VIRMA: variants seen among roughly 807,000 people sequenced by gnomAD.
The protein encoded by VIRMA is vir like m6A methyltransferase associated.
Under a neutral mutation model 182.4 loss-of-function variants are expected in VIRMA, and 65 were observed. The ratio of observed to expected loss-of-function variants is 0.36; its 90% CI spans 0.29 to 0.44. The LOEUF (loss-of-function observed/expected upper bound fraction) is 0.44, where lower values mean the gene tolerates loss of function less well. Among genes scored for constraint, VIRMA ranks in the 20% least tolerant of loss-of-function variants. The pLI is 1.00. For synonymous variants in VIRMA, 709 were observed against 743.1 expected (o/e 0.95, Z 0.75); for missense variants, 1,752 against 2,158.1 (o/e 0.81, Z 3.73).
intron 16 of VIRMA, among the ~76,000 whole-genome samples, chr8:94,503,044 A>C (rs941731614): frequency 1.3e-5 from 2 of 152,134 alleles, no homozygotes; most frequent in African/African-American, 4.8e-5. Flanking sequence ...CCAATGCAGG[A>C]GAAGCAACAA....
Position 94,539,068 on chromosome 8 carries a change from A to AT in VIRMA, c.180-723dup, listed in dbSNP as rs759879190. Reference sequence around the variant, plus strand: ...AGGTGTATGCCACTACACTGGGCTAATTTTTTTTTTTTTTTTTAAGTAGAG... The same window carrying AT: ...AGGTGTATGCCACTACACTGGGCTAATTTTTTTTTTTTTTTTTTAAGTAGAG... On this transcript the variant is annotated intron_variant, in intron 2 of 23. Coordinates refer to ENST00000297591, the MANE Select transcript of VIRMA (RefSeq NM_015496.5). 6.3e-3 allele frequency among the ~76,000 whole-genome samples: 866 copies of AT among 137,096 alleles called. 1 individual carries two copies. Among genetic ancestry groups the AT allele is most frequent in the Middle Eastern group, 8.0e-3 (2 of 250 alleles). The allele number at this position is 137,096 out of a possible 152,430, so 89.9% of individuals were successfully genotyped here.
chr8:94,540,837 C>T (rs1450089476), intron 2 of VIRMA, among the ~76,000 whole-genome samples: 1 of 152,146 alleles, frequency 6.6e-6, no homozygotes, highest in Non-Finnish European at 1.5e-5. Context: ...AATACAAACT[C>T]TTTCTTTACT....
chr8:94,509,024 G>GA (rs1169200381), intron 15 of VIRMA, among the ~76,000 whole-genome samples: 6 of 152,304 alleles, frequency 3.9e-5, no homozygotes, highest in South Asian at 2.1e-4. Context: ...AAAGTAGTCT[G>GA]AAACACACTA....
At chr8:94,517,609 C>T (rs909563030) in intron 10 of VIRMA, among the ~76,000 whole-genome samples, 179 bp downstream of exon 10, 1 of 152,148 alleles carries the variant, frequency 6.6e-6, no homozygotes, top group Non-Finnish European at 1.5e-5. Flanking sequence ...TGTTTATATA[C>T]TAAAACATTT....
intron 1 of VIRMA, 31 bp downstream of exon 1, chr8:94,553,354 G>A (rs1457334259): frequency 1.4e-5 from 23 of 1,605,898 alleles, no homozygotes; most frequent in African/African-American, 4.0e-5. Context: ...AAGTCAAGAA[G>A]CAGCGTCAGA....
At chr8:94,547,982 C>G (rs1221837661) in intron 1 of VIRMA, among the ~76,000 whole-genome samples, 1 of 139,690 alleles carries the variant, frequency 7.2e-6, no homozygotes, top group Non-Finnish European at 1.6e-5. Flanking sequence ...TTGTAGTAAG[C>G]CATAAGCACA....
intron 9 of VIRMA, among the ~76,000 whole-genome samples, chr8:94,518,436 C>T (rs541555442): frequency 2.6e-5 from 4 of 152,306 alleles, no homozygotes; most frequent in South Asian, 2.1e-4. Flanking sequence ...GAGTTATACA[C>T]CCAGTCCTCA....
chr8:94,530,179 A>G (rs76657708), intron 6 of VIRMA, among the ~76,000 whole-genome samples: 2 of 152,178 alleles, frequency 1.3e-5, no homozygotes, highest in Non-Finnish European at 2.9e-5. Context: ...ATGAATTAAC[A>G]AATTTTTTTT....
At chr8:94,508,329 C>G (rs1183776727) in intron 15 of VIRMA, among the ~76,000 whole-genome samples, 13 of 152,094 alleles carry the variant, frequency 8.5e-5, no homozygotes, top group Admixed American at 8.5e-4. Flanking sequence ...CGTGATCCAC[C>G]CATCTCAGCT....
chr8:94,547,624 A>T (rs1334779976), intron 1 of VIRMA, among the ~76,000 whole-genome samples: 1 of 150,974 alleles, frequency 6.6e-6, no homozygotes, highest in East Asian at 1.9e-4. Context: ...GTCTCCTAGG[A>T]CTGTATTTTA....
chr8:94,496,532 T>A, intron 17 of VIRMA, 52 bp from the exon 18 acceptor site: 1 of 1,451,122 alleles, frequency 6.9e-7, no homozygotes. Flanking sequence ...TTTACAAAGA[T>A]GCATCCACAC....
At chr8:94,493,443 A>G (rs749344811) in intron 20 of VIRMA, among the ~76,000 whole-genome samples, 9 of 152,234 alleles carry the variant, frequency 5.9e-5, no homozygotes, top group African/African-American at 1.9e-4. Context: ...GTGCTGCCCA[A>G]CGTGGTAGCC....
rs111465222 is a variant in VIRMA, at chr8:94,532,932, G to C, written c.485-1847C>G. Among the ~76,000 whole-genome samples, 1,070 of 152,056 alleles carry C rather than the reference G, an allele frequency of 7.0e-3. 10 individuals are homozygous for C. The highest frequency in any genetic ancestry group is 9.2e-3 in the Non-Finnish European group (625 of 67,994). ...GCTATGATCAGGCCACTGCACTCCAGCCTGGGTGACGTAACAAAATCCTGT... is the reference window on the plus strand; with the variant it reads ...GCTATGATCAGGCCACTGCACTCCACCCTGGGTGACGTAACAAAATCCTGT... On this transcript the variant is annotated intron_variant, in intron 5 of 23. Coordinates refer to ENST00000297591, the MANE Select transcript of VIRMA (RefSeq NM_015496.5).
intron 20 of VIRMA, among the ~76,000 whole-genome samples, chr8:94,493,444 C>A (rs946043265): frequency 6.6e-6 from 1 of 152,172 alleles, no homozygotes; most frequent in African/African-American, 2.4e-5. Context: ...TGCTGCCCAA[C>A]GTGGTAGCCA....
intron 16 of VIRMA, among the ~76,000 whole-genome samples, chr8:94,502,456 T>A (rs1294704742): frequency 1.3e-5 from 2 of 151,462 alleles, no homozygotes; most frequent in Admixed American, 6.6e-5. Context: ...TTAAAACTTT[T>A]AATATTTAAA....
chr8:94,535,536 G>C (rs1815312460), intron 4 of VIRMA, among the ~76,000 whole-genome samples: 1 of 152,180 alleles, frequency 6.6e-6, no homozygotes, highest in Non-Finnish European at 1.5e-5. Flanking sequence ...TGTAATTTCA[G>C]CACTTTGGAA....
chr8:94,493,029 G>T, intron 20 of VIRMA, among the ~76,000 whole-genome samples: 1 of 152,090 alleles, frequency 6.6e-6, no homozygotes. Flanking sequence ...CTTTTTTTGT[G>T]TGTGGCATTC....
chr8:94,545,950 A>G (rs968575405), intron 1 of VIRMA, among the ~76,000 whole-genome samples: 4 of 152,112 alleles, frequency 2.6e-5, no homozygotes, highest in African/African-American at 9.6e-5. Flanking sequence ...CCAGCTACTC[A>G]GGAGACTGAG....
chr8:94,535,851 A>G (rs1815324581), intron 4 of VIRMA, among the ~76,000 whole-genome samples: 1 of 152,142 alleles, frequency 6.6e-6, no homozygotes, highest in Non-Finnish European at 1.5e-5. Context: ...ACTTTCTCCT[A>G]AAAAGATTAA....
Sources: allele counts gnomAD v4.1 joint callset (sites outside exome capture counted in the v4.1 genomes callset), GRCh38; gene constraint gnomAD v4.1.1; transcripts MANE v1.5; gene names NCBI Gene and HGNC (gene_info 2026-07-23, HGNC 2026-07-21).